IGF1R: variants seen among roughly 807,000 people sequenced by gnomAD.
IGF1R encodes the protein insulin-like growth factor 1 receptor.
IGF1R carries 44 observed loss-of-function variants against 144.6 expected under a neutral mutation model. The ratio of observed to expected loss-of-function variants is 0.30; its 90% CI spans 0.24 to 0.39. The LOEUF is 0.39. IGF1R is among the 10% of genes least tolerant of loss of function. IGF1R has a pLI of 1.00. For synonymous variants in IGF1R, 795 were observed against 722.8 expected (o/e 1.10, Z -1.60); for missense variants, 1,355 against 1,833.7 (o/e 0.74, Z 4.77).
chr15:98,767,021 G>A (rs1018839004), intron 2 of IGF1R, among the ~76,000 whole-genome samples: 14 of 152,000 alleles, frequency 9.2e-5, no homozygotes, highest in African/African-American at 3.4e-4. Flanking sequence ...CTTCCTTTCC[G>A]CCCGTTAATT....
At chr15:98,927,782 T>A (rs564753516) in intron 13 of IGF1R, among the ~76,000 whole-genome samples, 1 of 152,230 alleles carries the variant, frequency 6.6e-6, no homozygotes, top group African/African-American at 2.4e-5. Context: ...TAGTAGTCTT[T>A]AAAGAGTAAC....
At chr15:98,770,311 G>A (rs1388640413) in intron 2 of IGF1R, among the ~76,000 whole-genome samples, 1 of 152,242 alleles carries the variant, frequency 6.6e-6, no homozygotes, top group East Asian at 1.9e-4. Context: ...GAGGTAGAGA[G>A]TAGAGTGATG....
At chr15:98,717,962 C>G (rs912167029) in intron 2 of IGF1R, among the ~76,000 whole-genome samples, 1 of 152,160 alleles carries the variant, frequency 6.6e-6, no homozygotes, top group Non-Finnish European at 1.5e-5. Flanking sequence ...TGCACACGTG[C>G]ACGTGTGCGT....
chr15:98,708,767 A>G (rs2053925759), intron 2 of IGF1R, among the ~76,000 whole-genome samples: 1 of 152,192 alleles, frequency 6.6e-6, no homozygotes, highest in South Asian at 2.1e-4. Context: ...AGCAGGGTGC[A>G]TTTTTAAACC....
intron 2 of IGF1R, among the ~76,000 whole-genome samples, chr15:98,883,498 T>C (rs1275035913): frequency 6.6e-6 from 1 of 152,218 alleles, no homozygotes; most frequent in Non-Finnish European, 1.5e-5. Flanking sequence ...ATAGCCAAGC[T>C]GTAATACGGT....
chr15:98,900,548 G>A (rs535727394), intron 5 of IGF1R: 1 of 152,368 alleles, frequency 6.6e-6, no homozygotes, highest in South Asian at 2.1e-4. Flanking sequence ...CTAACTCTTG[G>A]TCAGTCTTAA....
At chr15:98,840,677 GT>G (rs58919638) in intron 2 of IGF1R, among the ~76,000 whole-genome samples, 48,748 of 130,996 alleles carry the variant, frequency 0.37, 8,000 homozygotes, top group East Asian at 0.57. Context: ...TTTTTGTTTT[GT>G]TTTTTTTTTT....
intron 2 of IGF1R, among the ~76,000 whole-genome samples, chr15:98,742,974 T>C (rs1173937952): frequency 6.6e-6 from 1 of 152,002 alleles, no homozygotes; most frequent in Admixed American, 6.6e-5. Context: ...GAGGAGGAGG[T>C]TGCAGTGAGC....
chr15:98,739,903 A>G (rs1184090226), intron 2 of IGF1R, among the ~76,000 whole-genome samples: 2 of 152,170 alleles, frequency 1.3e-5, no homozygotes, highest in African/African-American at 4.8e-5. Flanking sequence ...GCTGTAAGAA[A>G]ATATTAAACT....
At chr15:98,838,670 T>G (rs1294094049) in intron 2 of IGF1R, among the ~76,000 whole-genome samples, 1 of 152,210 alleles carries the variant, frequency 6.6e-6, no homozygotes, top group East Asian at 1.9e-4. Flanking sequence ...CCCACTCATC[T>G]TGATTTATTC....
chr15:98,924,858 G>A (rs1002868057), intron 13 of IGF1R, among the ~76,000 whole-genome samples, 174 bp downstream of exon 13: 9 of 152,190 alleles, frequency 5.9e-5, no homozygotes, highest in South Asian at 2.1e-4. Context: ...TGAAAGGTTG[G>A]GCAGGGCAGA....
At position 98,867,156 on chromosome 15, in the gene IGF1R, A is replaced by G. The variant is rs535637452; in HGVS notation, c.641-24169A>G. 4.7e-3 allele frequency among the ~76,000 whole-genome samples: 284 copies of G among 60,340 alleles called. 4 individuals carry two copies. Among genetic ancestry groups the G allele is most frequent in the East Asian group, 0.022 (5 of 224 alleles). 39.6% of individuals were successfully genotyped at this position (60,340 alleles called of 152,430 possible). A position where few individuals can be genotyped will look rare whatever the true frequency, so the allele number is the denominator to read the frequency against. On this transcript the variant is annotated intron_variant, in intron 2 of 20. Transcript: ENST00000650285. ...TCCTTGTGCCAGGAGAGAAAGGGGGAGAGAGAGAGAGAGAGAGAGAGAGAG... is the reference window on the plus strand; with the variant it reads ...TCCTTGTGCCAGGAGAGAAAGGGGGGGAGAGAGAGAGAGAGAGAGAGAGAG...
At chr15:98,892,656 A>G (rs2013986737) in intron 3 of IGF1R, among the ~76,000 whole-genome samples, 1 of 152,202 alleles carries the variant, frequency 6.6e-6, no homozygotes, top group South Asian at 2.1e-4. Flanking sequence ...CATTGTTTAA[A>G]AATGTGATAA....
At chr15:98,807,650 G>A (rs2056498116) in intron 2 of IGF1R, among the ~76,000 whole-genome samples, 3 of 152,358 alleles carry the variant, frequency 2.0e-5, no homozygotes, top group African/African-American at 7.2e-5. Context: ...GTGAGGGATT[G>A]TTGTGCTGTG....
chr15:98,917,386 T>C (rs1293735732), intron 10 of IGF1R, among the ~76,000 whole-genome samples: 2 of 152,220 alleles, frequency 1.3e-5, no homozygotes, highest in Admixed American at 6.5e-5. Context: ...ACAAGTAAGT[T>C]TGGGAAGCAG....
chr15:98,651,984 A>G (rs1319356551), intron 1 of IGF1R, among the ~76,000 whole-genome samples: 1 of 152,210 alleles, frequency 6.6e-6, no homozygotes, highest in Non-Finnish European at 1.5e-5. Flanking sequence ...GCTGAGCCCT[A>G]TCAGGGAGGG....
rs1239925068 is a variant in IGF1R at position 98,935,390 on chromosome 15, C to T, written c.3261C>T (p.Leu1087=). The T allele has an allele frequency of 1.3e-6, 2 of 1,551,380 alleles. No homozygotes were observed. The highest frequency in any genetic ancestry group is 2.4e-5 in the East Asian group (1 of 40,920). Reference sequence around the variant, plus strand: ...TGGAACTGATGACACGGGGCGATCTCAAAAGTTATCTCCGGTCTCTGAGGC... The same window carrying T: ...TGGAACTGATGACACGGGGCGATCTTAAAAGTTATCTCCGGTCTCTGAGGC... ...VIMELMTRGD[L]KSYLRSLRPE... The change falls in exon 17 of 21, where the codon CTC becomes CTT. Residue 1087 remains leucine, a synonymous_variant. Transcript: ENST00000650285. The surrounding 1 kb of genome is among the most constrained non-coding windows in gnomAD (Gnocchi z 4.2).
At chr15:98,822,406 A>G (rs1056026268) in intron 2 of IGF1R, among the ~76,000 whole-genome samples, 1 of 152,232 alleles carries the variant, frequency 6.6e-6, no homozygotes, top group Non-Finnish European at 1.5e-5. Flanking sequence ...TAATGTCACT[A>G]CATTTCCTAG....
chr15:98,910,302 G>A (rs2014952556), intron 6 of IGF1R, among the ~76,000 whole-genome samples: 1 of 152,208 alleles, frequency 6.6e-6, no homozygotes, highest in Non-Finnish European at 1.5e-5. Context: ...TCTCCTTAGA[G>A]TCAGCCAGTC....
Sources: gnomAD v4.1 joint callset for allele counts (sites outside exome capture counted in the v4.1 genomes callset) on GRCh38, gnomAD v4.1.1 for gene constraint, Gnocchi (gnomAD v3.1) non-coding constraint, MANE v1.5 for transcripts, NCBI Gene and HGNC (gene_info 2026-07-23, HGNC 2026-07-21) for gene names.